The following PARN variants were observed in gnomAD, a reference collection of about 807,000 sequenced individuals.
PARN encodes the protein poly(A)-specific ribonuclease PARN.
PARN carries 71 observed loss-of-function variants against 102.8 expected under a neutral mutation model. The ratio of observed to expected loss-of-function variants is 0.69; its 90% confidence interval spans 0.57 to 0.84. The LOEUF (loss-of-function observed/expected upper bound fraction) is 0.84, where lower values mean the gene tolerates loss of function less well. Among genes scored for constraint, PARN ranks in the 40% least tolerant of loss-of-function variants. The probability of loss-of-function intolerance (pLI) is 0.00; values close to 1 mark genes in which losing one functional copy is unlikely to be tolerated. For missense variants in PARN, 782 were observed against 760.9 expected, an observed-to-expected ratio of 1.03 and a Z score of -0.33; for synonymous variants, 261 against 252.9, an observed-to-expected ratio of 1.03 and a Z score of -0.30.
At chr16:14,438,424 C>G (rs1409823304) in intron 23 of PARN, among the ~76,000 whole-genome samples, 1 of 143,684 alleles carries the variant, frequency 7.0e-6, no homozygotes, top group Non-Finnish European at 1.5e-5. Context: ...ACCTGCCAAT[C>G]TGCACCTGCC....
At chr16:14,530,061 G>C (rs966993502) in intron 21 of PARN, among the ~76,000 whole-genome samples, 2 of 152,156 alleles carry the variant, frequency 1.3e-5, no homozygotes, top group East Asian at 3.8e-4. Flanking sequence ...TGGCCCTTGG[G>C]TGTCAGACTC....
At chr16:14,604,263 T>C (rs1971055824) in intron 10 of PARN, 37 bp from the exon 11 acceptor site, 2 of 1,314,794 alleles carry the variant, frequency 1.5e-6, no homozygotes, top group Non-Finnish European at 2.1e-6. Context: ...TTTTCTTTTC[T>C]TTTTCTTTTT....
intron 22 of PARN, among the ~76,000 whole-genome samples, chr16:14,461,800 T>C (rs1961998081): frequency 2.0e-5 from 3 of 152,226 alleles, no homozygotes; most frequent in Admixed American, 2.0e-4. Flanking sequence ...CTCTTTTGAT[T>C]ATCCATTTGA....
intron 21 of PARN, among the ~76,000 whole-genome samples, chr16:14,542,604 C>T (rs1352884566): frequency 6.6e-6 from 1 of 151,120 alleles, no homozygotes; most frequent in East Asian, 1.9e-4. Flanking sequence ...ACATAGGCTC[C>T]AAATGAAATA....
In PARN at chr16:14,468,992, A is replaced by ATAAAAAAACGACC. The variant is rs1356078393; in HGVS notation, c.1670+13633_1670+13645dup. Among the ~76,000 whole-genome samples, 4 of 152,242 alleles carry ATAAAAAAACGACC rather than the reference A, an allele frequency of 2.6e-5. No individual in the cohort carries two copies. The East Asian group carries it at 5.8e-4, about 22-fold the overall frequency. ...AAACAAAGAAATAAAAAAAACACAC[A>ATAAAAAAACGACC]TAAAAAAACGACCTAAAAAAACGGG... On this transcript the variant is annotated intron_variant, in intron 22 of 23. Coordinates refer to ENST00000437198, the MANE Select transcript of PARN (RefSeq NM_002582.4).
intron 21 of PARN, among the ~76,000 whole-genome samples, chr16:14,489,849 G>A (rs994019062): frequency 1.3e-5 from 2 of 152,198 alleles, no homozygotes; most frequent in African/African-American, 4.8e-5. Flanking sequence ...TAAGGGAATT[G>A]CCTATATTCG....
chr16:14,477,175 C>T (rs1963100153), intron 22 of PARN, among the ~76,000 whole-genome samples: 1 of 152,184 alleles, frequency 6.6e-6, no homozygotes, highest in African/African-American at 2.4e-5. Flanking sequence ...TGTGGTGGCT[C>T]ATACCTGTAA....
chr16:14,624,070 T>C (rs1007133094), intron 5 of PARN, among the ~76,000 whole-genome samples: 2 of 152,230 alleles, frequency 1.3e-5, no homozygotes, highest in African/African-American at 4.8e-5. Context: ...AGTGTGGTTC[T>C]GTCAGCCCAT....
chr16:14,595,391 G>A (rs1010873084), intron 12 of PARN, among the ~76,000 whole-genome samples: 1 of 152,110 alleles, frequency 6.6e-6, no homozygotes, highest in Non-Finnish European at 1.5e-5. Context: ...TAGAGACAGG[G>A]TCTCGCTCTG....
intron 5 of PARN, among the ~76,000 whole-genome samples, chr16:14,624,291 T>C (rs1972505646): frequency 6.6e-6 from 1 of 152,296 alleles, no homozygotes. Context: ...AACTATAGAA[T>C]TTTAAATAAA....
chr16:14,453,478 C>T (rs1353908251), intron 22 of PARN, among the ~76,000 whole-genome samples: 4 of 152,204 alleles, frequency 2.6e-5, no homozygotes, highest in African/African-American at 7.2e-5. Context: ...ATGGAATTCA[C>T]TTATTTTAAA....
intron 21 of PARN, among the ~76,000 whole-genome samples, chr16:14,489,300 A>C (rs2151608068): frequency 6.6e-6 from 1 of 152,214 alleles, no homozygotes; most frequent in Non-Finnish European, 1.5e-5. Flanking sequence ...CATTTTAAAC[A>C]AACAAAATTT....
At chr16:14,549,754 T>C (rs1030497928) in intron 21 of PARN, among the ~76,000 whole-genome samples, 46 of 152,232 alleles carry the variant, frequency 3.0e-4, no homozygotes, top group Middle Eastern at 3.2e-3. Context: ...CAAGCAGCTA[T>C]TTTAATAATT....
chr16:14,438,420 C>G (rs868505202), intron 23 of PARN, among the ~76,000 whole-genome samples: 6 of 142,774 alleles, frequency 4.2e-5, no homozygotes, highest in African/African-American at 1.6e-4. Context: ...CTGCACCTGC[C>G]AATCTGCACC....
At chr16:14,582,107 C>T in intron 17 of PARN, 74 bp downstream of exon 17, 1 of 877,316 alleles carries the variant, frequency 1.1e-6, no homozygotes, top group South Asian at 1.3e-5. Context: ...TTTATTACAG[C>T]AGCCTAAGCC....
Position 14,436,537 on chromosome 16 carries a change from AAG to A in PARN, c.*178_*179del, listed in dbSNP as rs1277772079. The A allele has an allele frequency of 5.1e-5, 31 of 607,858 alleles. No homozygotes were observed. The highest frequency in any genetic ancestry group is 8.7e-5 in the Admixed American group (3 of 34,410). The allele number at this position is 607,858 out of a possible 1,614,324, so 37.7% of individuals were successfully genotyped here. ...AATGTCAACAGGCAGTTAGATTAAA[AAG>A]GGGAAAAAACCACAGCCACAAAAAT... On this transcript the variant is annotated 3_prime_UTR_variant, in exon 24 of 24. Transcript: ENST00000437198.
At chr16:14,466,758 A>G (rs1184480151) in intron 22 of PARN, among the ~76,000 whole-genome samples, 1 of 152,238 alleles carries the variant, frequency 6.6e-6, no homozygotes, top group Non-Finnish European at 1.5e-5. Context: ...ACACAAAAGA[A>G]AACATTCAAA....
Position 14,436,668 on chromosome 16 carries a change from C to G in PARN, c.*49G>C. 1.4e-6 allele frequency: 2 copies of G among 1,396,680 alleles called. No homozygotes were observed. The highest frequency in any genetic ancestry group is 2.0e-6 in the Non-Finnish European group (2 of 999,116). 86.5% of individuals were successfully genotyped at this position (1,396,680 alleles called of 1,614,324 possible). A position where few individuals can be genotyped will look rare whatever the true frequency, so the allele number is the denominator to read the frequency against. ...TGCGGCTTCCAAATGTGCCAGCCGG[C>G]TCTTGCTCACAGCGACAGCACCAGC... is the stretch of plus-strand genomic sequence containing the variant. On this transcript the variant is annotated 3_prime_UTR_variant, in exon 24 of 24. Coordinates refer to ENST00000437198, the MANE Select transcript of PARN (RefSeq NM_002582.4).
chr16:14,477,222 T>C lies in PARN; in HGVS notation c.1670+5416A>G, dbSNP rs558085367. 2.0e-4 allele frequency among the ~76,000 whole-genome samples: 30 copies of C among 149,644 alleles called. No individual in the cohort carries two copies. In the South Asian group the frequency reaches 4.0e-3, roughly 20 times the overall value. ...TGGGAGGTCAAGGCAGGTGGATCAT[T>C]TGAGGTCAGGAGTTCGAGACCAGCC... On this transcript the variant is annotated intron_variant, in intron 22 of 23. Coordinates refer to ENST00000437198, the MANE Select transcript of PARN (RefSeq NM_002582.4).
Sources: allele counts gnomAD v4.1 joint callset (sites outside exome capture counted in the v4.1 genomes callset), GRCh38; gene constraint gnomAD v4.1.1; transcripts MANE v1.5; gene names NCBI Gene and HGNC (gene_info 2026-07-23, HGNC 2026-07-21).